CYP3A5: variants seen among roughly 807,000 people sequenced by gnomAD.
CYP3A5 encodes cytochrome P450 family 3 subfamily A member 5.
Under a neutral mutation model 55.9 loss-of-function variants are expected in CYP3A5, and 51 were observed. The ratio of observed to expected loss-of-function variants is 0.91; its 90% CI spans 0.73 to 1.15. The LOEUF (loss-of-function observed/expected upper bound fraction) is 1.15, where lower values mean the gene tolerates loss of function less well. CYP3A5 is among the 50% of genes most tolerant of loss of function. CYP3A5 has a pLI of 0.00. For missense variants in CYP3A5, 533 were observed against 596.6 expected, an observed-to-expected ratio of 0.89 and a Z score of 1.11; for synonymous variants, 196 against 213.9, an observed-to-expected ratio of 0.92 and a Z score of 0.73.
In CYP3A5 at chr7:99,673,923, C is replaced by T. The variant is rs115189026; in HGVS notation, c.218+610G>A. 3.7e-3 allele frequency among the ~76,000 whole-genome samples: 568 copies of T among 152,266 alleles called. 8 individuals carry two copies. The highest frequency in any genetic ancestry group is 0.012 in the African/African-American group (516 of 41,548). ...CTAGCCTAGTTCAGACTGAAGACCTCGATACCTGGTGACACATGGGATCCT... is the reference window on the plus strand; with the variant it reads ...CTAGCCTAGTTCAGACTGAAGACCTTGATACCTGGTGACACATGGGATCCT... On this transcript the variant is annotated intron_variant, in intron 3 of 12. Coordinates refer to ENST00000222982, the MANE Select transcript of CYP3A5 (RefSeq NM_000777.5).
chr7:99,673,520 TAAG>T (rs1457792773), intron 3 of CYP3A5, among the ~76,000 whole-genome samples: 2 of 152,206 alleles, frequency 1.3e-5, no homozygotes, highest in Non-Finnish European at 2.9e-5. Context: ...ATCCTTCTAT[TAAG>T]AAGTTTTGGC....
In CYP3A5 at chr7:99,652,478, T is replaced by C. The variant is rs1809288950; in HGVS notation, c.1253+75A>G. The stretch of plus-strand genomic sequence containing the variant: ...TGATTGTACAACCACACGATTGTCA[T>C]GTAGATTAAGAGAGGCAGAATATGC... On this transcript the variant is annotated intron_variant, in intron 11 of 12. Coordinates refer to ENST00000222982, the MANE Select transcript of CYP3A5 (RefSeq NM_000777.5). The C allele has an allele frequency of 8.9e-6, 8 of 898,954 alleles. No individual in the cohort carries two copies. The South Asian group carries it at 1.0e-4, about 12-fold the overall frequency. The allele number at this position is 898,954 out of a possible 1,614,324, so 55.7% of individuals were successfully genotyped here.
intron 1 of CYP3A5, 40 bp from the exon 2 acceptor site, chr7:99,676,248 CTT>C (rs748666542): frequency 3.1e-6 from 5 of 1,611,082 alleles, no homozygotes; most frequent in African/African-American, 1.3e-5. Context: ...GGGATTGTGA[CTT>C]TATAGATCAG....
rs573515109 is a variant in CYP3A5, at chr7:99,654,523, A to G, written c.1027-1744T>C. Among the ~76,000 whole-genome samples the G allele has an allele frequency of 7.9e-5, 12 of 152,328 alleles. No homozygotes were observed. The South Asian group carries it at 2.5e-3, about 32-fold the overall frequency. On this transcript the variant is annotated intron_variant, in intron 10 of 12. Transcript: ENST00000222982. ...TGGTTCCAAGTCTTTGCTATTGTGA[A>G]TAGTGCTGCAATAAACATAAGTGTG...
At chr7:99,648,434 T>A in intron 12 of CYP3A5, 34 bp from the exon 13 acceptor site, 1 of 1,509,046 alleles carries the variant, frequency 6.6e-7, no homozygotes. Context: ...GGAGAATTAA[T>A]AAATGAAGTG....
chr7:99,677,185 T>C, intron 1 of CYP3A5: 1 of 985,414 alleles, frequency 1.0e-6, no homozygotes, highest in African/African-American at 1.7e-5. Flanking sequence ...CTCCAACTGA[T>C]GGTTCTGGAT....
In CYP3A5 at chr7:99,664,573, A is replaced by T. The variant is rs372212773; in HGVS notation, c.671-478T>A. The stretch of plus-strand genomic sequence containing the variant: ...GTGGAAGTTAAACAATACAGTTTTA[A>T]GTGACCAGTGAGTCAAAGCAGAAAT... On this transcript the variant is annotated intron_variant, in intron 7 of 12. Transcript: ENST00000222982. Among the ~76,000 whole-genome samples, 33 of 152,340 alleles carry T rather than the reference A, an allele frequency of 2.2e-4. No individual in the cohort carries two copies. The South Asian group carries it at 6.6e-3, about 31-fold the overall frequency.
intron 10 of CYP3A5, among the ~76,000 whole-genome samples, chr7:99,655,106 G>T (rs544999341): frequency 6.6e-6 from 1 of 152,214 alleles, no homozygotes; most frequent in South Asian, 2.1e-4. Flanking sequence ...GTCAATTTTG[G>T]CTTTTGTTGC....
At chr7:99,654,500 G>C (rs1809517754) in intron 10 of CYP3A5, among the ~76,000 whole-genome samples, 1 of 152,158 alleles carries the variant, frequency 6.6e-6, no homozygotes, top group African/African-American at 2.4e-5. Flanking sequence ...ATTTGGGTTG[G>C]TTCCAAGTCT....
chr7:99,678,360 T>A (rs1194981426), intron 1 of CYP3A5, among the ~76,000 whole-genome samples: 2 of 152,246 alleles, frequency 1.3e-5, no homozygotes, highest in African/African-American at 2.4e-5. Context: ...TTCATATGGA[T>A]CCTACCTGGA....
intron 8 of CYP3A5, chr7:99,663,101 A>G (rs1406932675): frequency 9.5e-6 from 12 of 1,265,024 alleles, no homozygotes; most frequent in East Asian, 7.3e-5. Context: ...ATCATGTCCA[A>G]TTGCTTTTTC....
At chr7:99,661,931 C>T (rs1810487739) in intron 9 of CYP3A5, among the ~76,000 whole-genome samples, 1 of 152,302 alleles carries the variant, frequency 6.6e-6, no homozygotes, top group East Asian at 1.9e-4. Context: ...TCTTCAGTGG[C>T]ATTGGCCACA....
Position 99,679,864 on chromosome 7 carries a change from G to A in CYP3A5, c.33C>T (p.Thr11=). MDLIPNLAVE[T]WLLLAVSLVL... Reference sequence around the variant, plus strand: ...CCAGGCTGACAGCCAGGAGAAGCCAGGTTTCCACCGCCAAATTTGGGATGA... The same window carrying A: ...CCAGGCTGACAGCCAGGAGAAGCCAAGTTTCCACCGCCAAATTTGGGATGA... Residue 11 remains threonine (T), a synonymous_variant, in exon 1 of 13, where the codon ACC becomes ACT. Transcript: ENST00000222982. 1 of 1,614,098 alleles carries A rather than the reference G, an allele frequency of 6.2e-7. No individual in the cohort carries two copies. The highest frequency in any genetic ancestry group is 2.2e-5 in the East Asian group (1 of 44,884).
In CYP3A5 at chr7:99,656,908, C is replaced by G. The variant is rs141088363; in HGVS notation, c.1026+3591G>C. Among the ~76,000 whole-genome samples the G allele has an allele frequency of 8.1e-3, 1,236 of 152,268 alleles. 23 individuals are homozygous for G. The highest frequency in any genetic ancestry group is 0.028 in the African/African-American group (1,179 of 41,548). On this transcript the variant is annotated intron_variant, in intron 10 of 12. Coordinates refer to ENST00000222982, the MANE Select transcript of CYP3A5 (RefSeq NM_000777.5). The stretch of plus-strand genomic sequence containing the variant: ...TATTCTCTGATGGTAGTTTGTATTT[C>G]TGTGGGATGGGTGGTGATATCCCCT...
chr7:99,673,137 G>T (rs1417726821), intron 3 of CYP3A5, among the ~76,000 whole-genome samples: 1 of 152,210 alleles, frequency 6.6e-6, no homozygotes. Context: ...AGGGCAGTTG[G>T]TGTGGGGCCC....
chr7:99,672,980 CTGGG>C, intron 3 of CYP3A5: 1 of 929,834 alleles, frequency 1.1e-6, no homozygotes, highest in Middle Eastern at 4.3e-4. Context: ...ATTCGTTAAG[CTGGG>C]TGGTACATAC....
intron 12 of CYP3A5, among the ~76,000 whole-genome samples, chr7:99,649,861 C>A (rs1029101150): frequency 6.6e-6 from 1 of 151,902 alleles, no homozygotes; most frequent in African/African-American, 2.4e-5. Flanking sequence ...ATAATCATGT[C>A]ATGCTAATCT....
intron 1 of CYP3A5, among the ~76,000 whole-genome samples, chr7:99,678,125 T>G (rs1812471107): frequency 6.6e-6 from 1 of 152,180 alleles, no homozygotes; most frequent in Non-Finnish European, 1.5e-5. Context: ...TGCACCAGCA[T>G]TGTCTAAGGC....
In CYP3A5 at chr7:99,660,675, A is replaced by G. The variant is rs761903061; in HGVS notation, c.866-16T>C. The G allele has an allele frequency of 6.2e-7, 1 of 1,613,206 alleles. No individual in the cohort carries two copies. The highest frequency in any genetic ancestry group is 8.5e-7 in the Non-Finnish European group (1 of 1,179,480). ...TCAGACAGAGCTGAAAGGAGAGGAA[A>G]GACATTTTAGGTAAATCAGGTCAAC... On this transcript the variant is annotated splice_polypyrimidine_tract_variant and intron_variant, in intron 9 of 12. Coordinates refer to ENST00000222982, the MANE Select transcript of CYP3A5 (RefSeq NM_000777.5).
Sources: gnomAD v4.1 joint callset for allele counts (sites outside exome capture counted in the v4.1 genomes callset) on GRCh38, gnomAD v4.1.1 for gene constraint, MANE v1.5 for transcripts, NCBI Gene and HGNC (gene_info 2026-07-23, HGNC 2026-07-21) for gene names.